Variants in ABRAXAS1 observed in about 807,000 individuals in gnomAD.
ABRAXAS1 encodes the protein BRCA1-A complex subunit Abraxas 1.
In ABRAXAS1, 26 loss-of-function variants were observed where a neutral mutation model predicts 38.4. That is an observed-to-expected ratio of 0.68 (90% CI 0.50 to 0.94). The LOEUF (loss-of-function observed/expected upper bound fraction) is 0.94, where lower values mean the gene tolerates loss of function less well. ABRAXAS1 is among the 40% of genes least tolerant of loss of function. ABRAXAS1 has a pLI of 0.00. For missense variants in ABRAXAS1, 438 were observed against 481.9 expected (o/e 0.91, Z 0.85); for synonymous variants, 144 against 165.5 (o/e 0.87, Z 1.00).
In ABRAXAS1 at chr4:83,459,745, G is replaced by A; in HGVS notation, c.*2724C>T. Reference sequence around the variant, plus strand: ...CACATAAAACTCCAAAACAGCTTTTGTCCCAGTTTGTTTCTCCATTTACTG... The same window carrying A: ...CACATAAAACTCCAAAACAGCTTTTATCCCAGTTTGTTTCTCCATTTACTG... On this transcript the variant is annotated 3_prime_UTR_variant, in exon 9 of 9. Transcript: ENST00000321945. 1 of 1,608,138 alleles carries A rather than the reference G, an allele frequency of 6.2e-7. No individual in the cohort carries two copies.
chr4:83,462,082 A>T lies in ABRAXAS1; in HGVS notation c.*387T>A, dbSNP rs758138820. On this transcript the variant is annotated 3_prime_UTR_variant, in exon 9 of 9. Transcript: ENST00000321945. ...TTTTCCATTTTATTTTTTAATAGAC[A>T]TGGTCTCAATACGTTGCCCAGGCTG... 1.3e-5 allele frequency: 3 copies of T among 235,146 alleles called. No individual in the cohort carries two copies. Among genetic ancestry groups the T allele is most frequent in the South Asian group, 1.8e-4 (1 of 5,584 alleles). The allele number at this position is 235,146 out of a possible 1,614,324, so 14.6% of individuals were successfully genotyped here.
Position 83,462,529 on chromosome 4 carries a change from T to A in ABRAXAS1, c.1170A>T (p.Thr390=), listed in dbSNP as rs776562122. Residue 390 remains threonine, a synonymous_variant, in exon 9 of 9, where the codon ACA becomes ACT. Transcript: ENST00000321945. ...CCTTCATCTTTTCAATTTCTTCATC[T>A]GTTTCTGGGCTGCTCATTTTGGATG... ...DKASKMSSPE[T]DEEIEKMKGF... 1 of 1,614,092 alleles carries A rather than the reference T, an allele frequency of 6.2e-7. No homozygotes were observed. The highest frequency in any genetic ancestry group is 1.1e-5 in the South Asian group (1 of 91,056).
In ABRAXAS1 at chr4:83,462,892, G is replaced by A. The variant is rs772772229; in HGVS notation, c.807C>T (p.Asn269=). The change falls in exon 9 of 9, where the codon AAC becomes AAT. Residue 269 remains asparagine, a synonymous_variant. Transcript: ENST00000321945. ...GAQIQAAREK[N]IQKDPQENIF... ...TGTTCTCCTGAGGGTCTTTTTGGATGTTCTTCTCTCCTAAACAAAATAGAA... is the reference window on the plus strand; with the variant it reads ...TGTTCTCCTGAGGGTCTTTTTGGATATTCTTCTCTCCTAAACAAAATAGAA... 7.6e-6 allele frequency: 12 copies of A among 1,572,356 alleles called. No homozygotes were observed. Among genetic ancestry groups the A allele is most frequent in the Non-Finnish European group, 1.0e-5 (12 of 1,162,742 alleles).
At chr4:83,471,219 T>C (rs1722579472) in intron 4 of ABRAXAS1, among the ~76,000 whole-genome samples, 1 of 104,450 alleles carries the variant, frequency 9.6e-6, no homozygotes, top group South Asian at 3.1e-4. Flanking sequence ...TTTTTTTTTT[T>C]TTTTGAGACA....
At chr4:83,466,154 C>T (rs1252608260) in intron 7 of ABRAXAS1, among the ~76,000 whole-genome samples, 3 of 152,148 alleles carry the variant, frequency 2.0e-5, no homozygotes, top group South Asian at 2.1e-4. Flanking sequence ...CTTAAAATGG[C>T]GCTGCAGTCT....
intron 8 of ABRAXAS1, 107 bp downstream of exon 8, chr4:83,463,387 C>G (rs1268329068): frequency 1.5e-6 from 1 of 687,304 alleles, no homozygotes; most frequent in Non-Finnish European, 2.3e-6. Flanking sequence ...AAGCTGAGAT[C>G]ACACCTTTGC....
At chr4:83,471,869 CAAAAAAAACAAAACA>C (rs889786377) in intron 4 of ABRAXAS1, among the ~76,000 whole-genome samples, 1 of 149,982 alleles carries the variant, frequency 6.7e-6, no homozygotes, top group Non-Finnish European at 1.5e-5. Flanking sequence ...GACTCCGTCT[CAAAAAAAACAAAACA>C]AAAAAAACCA....
chr4:83,471,230 G>A (rs773919913), intron 4 of ABRAXAS1, among the ~76,000 whole-genome samples: 64 of 103,628 alleles, frequency 6.2e-4, no homozygotes, highest in Non-Finnish European at 3.4e-4. Flanking sequence ...TTTTGAGACA[G>A]TCTGGCTCTG....
intron 4 of ABRAXAS1, 90 bp downstream of exon 4, chr4:83,472,132 C>A: frequency 1.3e-6 from 1 of 762,956 alleles, no homozygotes; most frequent in South Asian, 1.9e-5. Context: ...TCAAACACTG[C>A]TTAAAAATTC....
At chr4:83,475,807 A>C (rs2110044133) in intron 3 of ABRAXAS1, among the ~76,000 whole-genome samples, 1 of 152,340 alleles carries the variant, frequency 6.6e-6, no homozygotes, top group African/African-American at 2.4e-5. Context: ...ATACTCAATA[A>C]AAGCTAAAAA....
chr4:83,473,229 G>A (rs1210065497), intron 3 of ABRAXAS1, among the ~76,000 whole-genome samples: 1 of 152,152 alleles, frequency 6.6e-6, no homozygotes. Context: ...GCAGTGAGAT[G>A]AGATGGCACT....
intron 2 of ABRAXAS1, among the ~76,000 whole-genome samples, chr4:83,481,198 T>C (rs1040116584): frequency 1.1e-4 from 16 of 152,082 alleles, no homozygotes; most frequent in Non-Finnish European, 1.9e-4. Flanking sequence ...AAAGTGATCA[T>C]GACACAATAT....
intron 3 of ABRAXAS1, among the ~76,000 whole-genome samples, chr4:83,476,322 T>A (rs1172571671): frequency 1.3e-5 from 2 of 152,188 alleles, no homozygotes; most frequent in East Asian, 3.8e-4. Flanking sequence ...CTATTGATGA[T>A]GTATAAGAAC....
intron 7 of ABRAXAS1, among the ~76,000 whole-genome samples, chr4:83,466,203 C>T (rs1444744262): frequency 6.6e-6 from 1 of 152,220 alleles, no homozygotes; most frequent in African/African-American, 2.4e-5. Flanking sequence ...ATCCCCCTCT[C>T]CTTTCTCAGG....
intron 1 of ABRAXAS1, chr4:83,484,299 G>T (rs937998426): frequency 2.7e-6 from 2 of 750,864 alleles, no homozygotes; most frequent in Non-Finnish European, 1.6e-6. Flanking sequence ...CAGATGCTTA[G>T]ACTTTCTTTC....
intron 7 of ABRAXAS1, among the ~76,000 whole-genome samples, chr4:83,465,487 T>C (rs570108421): frequency 2.6e-5 from 4 of 151,920 alleles, no homozygotes; most frequent in African/African-American, 9.7e-5. Flanking sequence ...AATAGTTATG[T>C]TAAAATGGTG....
chr4:83,470,337 C>T lies in ABRAXAS1; in HGVS notation c.342G>A (p.Glu114=). The T allele has an allele frequency of 6.2e-7, 1 of 1,613,912 alleles. No homozygotes were observed. The highest frequency in any genetic ancestry group is 8.5e-7 in the Non-Finnish European group (1 of 1,179,884). ...CCTGCAAGTTTTTGTGAAGCAGCCT[C>T]TCTCTAAACGTCATGATCTGATCTG... ...RHSDQIMTFR[E]RLLHKNLQEH... Residue 114 remains glutamate (E), a synonymous_variant, in exon 5 of 9, where the codon GAG becomes GAA. Coordinates refer to ENST00000321945, the MANE Select transcript of ABRAXAS1 (RefSeq NM_139076.3).
intron 2 of ABRAXAS1, chr4:83,478,740 G>A (rs575409084): frequency 5.8e-5 from 10 of 173,178 alleles, no homozygotes; most frequent in African/African-American, 2.2e-4. Flanking sequence ...AACTGGTTGG[G>A]CCCCAGACTT....
At chr4:83,463,384 G>A in intron 8 of ABRAXAS1, 110 bp downstream of exon 8, 1 of 672,414 alleles carries the variant, frequency 1.5e-6, no homozygotes. Context: ...AGTAAGCTGA[G>A]ATCACACCTT....
Sources: gnomAD v4.1 joint callset for allele counts (sites outside exome capture counted in the v4.1 genomes callset) on GRCh38, gnomAD v4.1.1 for gene constraint, MANE v1.5 for transcripts, NCBI Gene and HGNC (gene_info 2026-07-23, HGNC 2026-07-21) for gene names.